The following ERI3 variants were observed in gnomAD, a reference collection of about 807,000 sequenced individuals.
ERI3 encodes ERI1 exoribonuclease family member 3.
In ERI3, 18 loss-of-function variants were observed where a neutral mutation model predicts 44.4. The observed-to-expected ratio is 0.41, with a 90% confidence interval of 0.28 to 0.60. ERI3 has a LOEUF of 0.60. Among genes scored for constraint, ERI3 ranks in the 20% least tolerant of loss-of-function variants. The pLI is 0.36. For synonymous variants in ERI3, 183 were observed against 164.8 expected (o/e 1.11, Z -0.84); for missense variants, 294 against 435.5 (o/e 0.68, Z 2.89).
Position 44,247,810 on chromosome 1 carries a change from C to G in ERI3, c.931+129G>C, listed in dbSNP as rs148011538. The G allele has an allele frequency of 9.5e-5, 60 of 633,770 alleles. No homozygotes were observed. The African/African-American group carries it at 1.0e-3, about 11-fold the overall frequency. 39.3% of individuals were successfully genotyped at this position (633,770 alleles called of 1,614,324 possible). A position where few individuals can be genotyped will look rare whatever the true frequency, so the allele number is the denominator to read the frequency against. On this transcript the variant is annotated intron_variant, in intron 8 of 8. Transcript: ENST00000372257. ...CATGCCACCCCCCTTCCACCATCCC[C>G]CCACCTATGTAGAGAGCCCTGTTGG...
chr1:44,221,664 G>C lies in ERI3; in HGVS notation c.932-24C>G. Reference sequence around the variant, plus strand: ...GTCTAAAAAGGAGAGAAGACATTTAGATCAGCCCCAGATCCTTCCCCTCCA... The same window carrying C: ...GTCTAAAAAGGAGAGAAGACATTTACATCAGCCCCAGATCCTTCCCCTCCA... On this transcript the variant is annotated intron_variant, in intron 8 of 8. Transcript: ENST00000372257. The surrounding 1 kb of genome is among the most constrained non-coding windows in gnomAD (Gnocchi z 5.9). The C allele has an allele frequency of 6.3e-7, 1 of 1,598,286 alleles. No homozygotes were observed. The highest frequency in any genetic ancestry group is 8.6e-7 in the Non-Finnish European group (1 of 1,165,566).
At chr1:44,289,203 C>T (rs1645455014) in intron 6 of ERI3, among the ~76,000 whole-genome samples, 1 of 152,050 alleles carries the variant, frequency 6.6e-6, no homozygotes, top group African/African-American at 2.4e-5. Flanking sequence ...TTTTTTTCAA[C>T]CAAATCAAAA....
chr1:44,225,277 AACCTTTGGTTT>A (rs916666386), intron 8 of ERI3, among the ~76,000 whole-genome samples: 1 of 152,122 alleles, frequency 6.6e-6, no homozygotes, highest in Non-Finnish European at 1.5e-5. Flanking sequence ...CTAGAAGGCT[AACCTTTGGTTT>A]TGTTTCATTT....
At chr1:44,259,689 G>GACACACACACACACACACAC (rs58901342) in intron 7 of ERI3, among the ~76,000 whole-genome samples, 1,796 of 140,324 alleles carry the variant, frequency 0.013, 32 homozygotes, top group African/African-American at 0.022. Flanking sequence ...AAAACACACA[G>GACACACACACACACACACAC]ACACACACAC....
At chr1:44,310,957 GCGCGCGCACACACACACACACACA>G (rs1645950337) in intron 5 of ERI3, among the ~76,000 whole-genome samples, 1 of 76,744 alleles carries the variant, frequency 1.3e-5, no homozygotes, top group East Asian at 3.5e-4. Flanking sequence ...CACATCGCGC[GCGCGCGCACACACACACACACACA>G]CACACACACA....
At chr1:44,326,866 A>G (rs140083322) in intron 3 of ERI3, among the ~76,000 whole-genome samples, 1 of 152,338 alleles carries the variant, frequency 6.6e-6, no homozygotes, top group African/African-American at 2.4e-5. Context: ...TGAGGAGAGT[A>G]TGGGTGCAAA....
At chr1:44,280,167 C>T (rs1042494898) in intron 7 of ERI3, among the ~76,000 whole-genome samples, 1 of 152,162 alleles carries the variant, frequency 6.6e-6, no homozygotes, top group African/African-American at 2.4e-5. Context: ...GAGTAAAGTA[C>T]CATATTTATT....
chr1:44,339,683 T>C (rs1005780100), intron 2 of ERI3, among the ~76,000 whole-genome samples: 1 of 152,194 alleles, frequency 6.6e-6, no homozygotes, highest in Non-Finnish European at 1.5e-5. Context: ...ACAGTTAACA[T>C]TAAAGCTATG....
At chr1:44,310,995 A>G (rs1220979728) in intron 5 of ERI3, among the ~76,000 whole-genome samples, 20 of 150,982 alleles carry the variant, frequency 1.3e-4, no homozygotes, top group Middle Eastern at 6.9e-3. Context: ...ACACACACAC[A>G]CACACACACA....
chr1:44,282,245 GC>G (rs1645305324), intron 7 of ERI3, among the ~76,000 whole-genome samples: 2 of 152,110 alleles, frequency 1.3e-5, no homozygotes, highest in Non-Finnish European at 2.9e-5. Flanking sequence ...GTGAATTCAT[GC>G]CCAGTTGCTC....
chr1:44,276,749 C>G (rs1353093206), intron 7 of ERI3, among the ~76,000 whole-genome samples: 1 of 152,164 alleles, frequency 6.6e-6, no homozygotes, highest in Non-Finnish European at 1.5e-5. Flanking sequence ...CCCCAACATC[C>G]AGCTTAGATC....
At chr1:44,234,649 ACT>A (rs973275719) in intron 8 of ERI3, among the ~76,000 whole-genome samples, 4 of 151,954 alleles carry the variant, frequency 2.6e-5, no homozygotes, top group African/African-American at 7.3e-5. Context: ...ACAGAATGAG[ACT>A]CTGTCTCAAA....
chr1:44,331,575 C>T (rs1646431161), intron 3 of ERI3, among the ~76,000 whole-genome samples: 1 of 152,194 alleles, frequency 6.6e-6, no homozygotes, highest in Non-Finnish European at 1.5e-5. Context: ...TATAGCATCA[C>T]AATGACACCT....
rs1460400186 is a variant in ERI3 at position 44,281,601 on chromosome 1, A to AAAATAT, written c.831+3233_831+3234insATATTT. Among the ~76,000 whole-genome samples the AAAATAT allele has an allele frequency of 4.8e-3, 616 of 127,970 alleles. 6 individuals are homozygous for AAAATAT. The highest frequency in any genetic ancestry group is 0.017 in the African/African-American group (510 of 29,990). 84.0% of individuals were successfully genotyped at this position (127,970 alleles called of 152,430 possible). A position where few individuals can be genotyped will look rare whatever the true frequency, so the allele number is the denominator to read the frequency against. The stretch of plus-strand genomic sequence containing the variant: ...AGACCCCGTCTCGAAAAAAAAAAAA[A>AAAATAT]ATATATATATATATATATAATATAT... On this transcript the variant is annotated intron_variant, in intron 7 of 8. Coordinates refer to ENST00000372257, the MANE Select transcript of ERI3 (RefSeq NM_024066.3).
Position 44,355,140 on chromosome 1 carries a change from G to A in ERI3, c.-114C>T, listed in dbSNP as rs1046902802. The A allele has an allele frequency of 2.5e-6, 3 of 1,223,404 alleles. No individual in the cohort carries two copies. The highest frequency in any genetic ancestry group is 3.1e-6 in the Non-Finnish European group (3 of 978,502). The allele number at this position is 1,223,404 out of a possible 1,614,324, so 75.8% of individuals were successfully genotyped here. A position where few individuals can be genotyped will look rare whatever the true frequency, so the allele number is the denominator to read the frequency against. ...CAGTTGGCGGCGGCGGGCGCGGCCC[G>A]CGCCGACTGCGGCGCCGGCCAGGCA... On this transcript the variant is annotated 5_prime_UTR_variant, in exon 1 of 9. Coordinates refer to ENST00000372257, the MANE Select transcript of ERI3 (RefSeq NM_024066.3).
intron 4 of ERI3, among the ~76,000 whole-genome samples, chr1:44,315,370 C>T (rs1194111395): frequency 6.6e-6 from 1 of 152,252 alleles, no homozygotes; most frequent in Non-Finnish European, 1.5e-5. Flanking sequence ...GTGTGTACCC[C>T]ATAAGCCCCT....
rs994741385 is a variant in ERI3 at position 44,241,447 on chromosome 1, AC to A, written c.931+6491del. ...CACTCAAACACATGCTCACACATGCACACACATGCACACACTTCACTGACTC... is the reference window on the plus strand; with the variant it reads ...CACTCAAACACATGCTCACACATGCAACACATGCACACACTTCACTGACTC... On this transcript the variant is annotated intron_variant, in intron 8 of 8. Transcript: ENST00000372257. This position sits in a 1 kb window ranked among gnomAD's most constrained non-coding sequence, Gnocchi z 5.6. 2.0e-5 allele frequency among the ~76,000 whole-genome samples: 3 copies of A among 151,926 alleles called. No individual in the cohort carries two copies. The highest frequency in any genetic ancestry group is 4.4e-5 in the Non-Finnish European group (3 of 67,984).
chr1:44,318,268 A>G (rs1646131241), intron 4 of ERI3, among the ~76,000 whole-genome samples: 1 of 152,228 alleles, frequency 6.6e-6, no homozygotes. Context: ...CTGCCTGTCT[A>G]CGTAAGGACA....
At chr1:44,310,951 T>TCG (rs141114785) in intron 5 of ERI3, among the ~76,000 whole-genome samples, 2,321 of 94,244 alleles carry the variant, frequency 0.025, 52 homozygotes, top group East Asian at 0.042. Flanking sequence ...TATGTGCACA[T>TCG]CGCGCGCGCG....
Sources: gnomAD v4.1 joint callset for allele counts (sites outside exome capture counted in the v4.1 genomes callset) on GRCh38, gnomAD v4.1.1 for gene constraint, Gnocchi (gnomAD v3.1) non-coding constraint, MANE v1.5 for transcripts, NCBI Gene and HGNC (gene_info 2026-07-23, HGNC 2026-07-21) for gene names.